The following PTK7 variants were observed in gnomAD, a reference collection of about 807,000 sequenced individuals.
PTK7 encodes protein tyrosine kinase 7 (inactive), also known as inactive tyrosine-protein kinase 7.
Under a neutral mutation model 116.6 loss-of-function variants are expected in PTK7, and 39 were observed. The observed-to-expected ratio is 0.33, with a 90% CI of 0.26 to 0.44. The LOEUF (loss-of-function observed/expected upper bound fraction) is 0.44, where lower values mean the gene tolerates loss of function less well. PTK7 is among the 20% of genes least tolerant of loss of function. The probability of loss-of-function intolerance (pLI) is 1.00; values close to 1 mark genes in which losing one functional copy is unlikely to be tolerated. For missense variants in PTK7, 1,169 were observed against 1,425.6 expected (o/e 0.82, Z 2.90); for synonymous variants, 546 against 563.6 (o/e 0.97, Z 0.44).
At chr6:43,077,118 G>C (rs1234360619) in intron 1 of PTK7, 16 of 1,056,608 alleles carry the variant, frequency 1.5e-5, no homozygotes, top group Non-Finnish European at 2.0e-5. Flanking sequence ...TGAGACCCCA[G>C]ATGGCCCTGC....
chr6:43,095,303 C>T (rs1422001487), intron 1 of PTK7, among the ~76,000 whole-genome samples: 1 of 151,506 alleles, frequency 6.6e-6, no homozygotes, highest in Non-Finnish European at 1.5e-5. Context: ...ACCTGGGAGG[C>T]GGAGGTTGCA....
intron 1 of PTK7, among the ~76,000 whole-genome samples, chr6:43,082,850 G>A (rs1164126028): frequency 1.3e-5 from 2 of 152,186 alleles, no homozygotes; most frequent in Non-Finnish European, 2.9e-5. Context: ...TATAACGAAA[G>A]CCAGTGGAGA....
chr6:43,116,750 T>G (rs1331842264), intron 1 of PTK7, among the ~76,000 whole-genome samples: 1 of 151,816 alleles, frequency 6.6e-6, no homozygotes, highest in Non-Finnish European at 1.5e-5. Context: ...GAGTAGGTGA[T>G]AGAGGCTAGG....
At chr6:43,116,288 G>A (rs1220523653) in intron 1 of PTK7, among the ~76,000 whole-genome samples, 1 of 152,142 alleles carries the variant, frequency 6.6e-6, no homozygotes. Flanking sequence ...CCGGCCAGCT[G>A]GCCAGCCGTG....
chr6:43,123,295 A>G (rs1469678315), intron 1 of PTK7, among the ~76,000 whole-genome samples: 3 of 152,212 alleles, frequency 2.0e-5, no homozygotes, highest in Non-Finnish European at 4.4e-5. Context: ...GTTGATTGAT[A>G]GAATCAAACA....
intron 7 of PTK7, among the ~76,000 whole-genome samples, chr6:43,136,262 G>A (rs1328997755): frequency 6.6e-6 from 1 of 152,056 alleles, no homozygotes; most frequent in Non-Finnish European, 1.5e-5. Flanking sequence ...TTGAACCTGG[G>A]AGGTGGAGGT....
chr6:43,118,647 C>A (rs866962638), intron 1 of PTK7, among the ~76,000 whole-genome samples: 2 of 87,758 alleles, frequency 2.3e-5, no homozygotes, highest in Admixed American at 1.2e-4. Flanking sequence ...CTCTCTCTCT[C>A]TCTCTCTCTC....
At position 43,138,867 on chromosome 6, in the gene PTK7, A is replaced by T; in HGVS notation, c.1247A>T (p.Lys416Met). The T allele has an allele frequency of 6.2e-7, 1 of 1,613,758 alleles. No homozygotes were observed. The highest frequency in any genetic ancestry group is 8.5e-7 in the Non-Finnish European group (1 of 1,179,822). The change falls in exon 8 of 20, where the codon AAG becomes ATG. Residue 416 changes from lysine (K) to methionine (M), a missense_variant. Physicochemically the swap from Lys to Met is moderately conservative, Grantham distance 95 (BLOSUM62 -1). Transcript: ENST00000230419. ...ITVATVPSWL[K>M]KPQDSQLEEG... The stretch of plus-strand genomic sequence containing the variant: ...TGTCTAGCTGTGCCCTCCTGGCTGA[A>T]GAAGCCCCAAGACAGCCAGCTGGAG...
At position 43,076,498 on chromosome 6, in the gene PTK7, G is replaced by A. The variant is rs772540040; in HGVS notation, c.10G>A (p.Ala4Thr). 4.5e-6 allele frequency: 7 copies of A among 1,570,578 alleles called. No homozygotes were observed. The South Asian group carries it at 6.9e-5, about 15-fold the overall frequency. Reference sequence around the variant, plus strand: ...TCCTGAGCCCGCCGCGATGGGAGCTGCGCGGGGATCCCCGGCCAGACCCCG... The same window carrying A: ...TCCTGAGCCCGCCGCGATGGGAGCTACGCGGGGATCCCCGGCCAGACCCCG... Reference protein sequence around the residue: MGAARGSPARPRRL... With the variant: MGATRGSPARPRRL... The change falls in exon 1 of 20, where the codon GCG (alanine) becomes ACG (threonine). Residue 4 changes from alanine (A) to threonine (T), a missense_variant. Coordinates refer to ENST00000230419, the MANE Select transcript of PTK7 (RefSeq NM_002821.5). The surrounding 1 kb of genome is among the most constrained non-coding windows in gnomAD (Gnocchi z 5.7).
chr6:43,113,261 C>T lies in PTK7; in HGVS notation c.80-15716C>T, dbSNP rs1423544584. On this transcript the variant is annotated intron_variant, in intron 1 of 19. Coordinates refer to ENST00000230419, the MANE Select transcript of PTK7 (RefSeq NM_002821.5). ...GAGCCTAGCCAAGATGGTGAAACCCCGTCTCTACTAAAAATACAAAAATTA... is the reference window on the plus strand; with the variant it reads ...GAGCCTAGCCAAGATGGTGAAACCCTGTCTCTACTAAAAATACAAAAATTA... Among the ~76,000 whole-genome samples, 5 of 152,060 alleles carry T rather than the reference C, an allele frequency of 3.3e-5. No homozygotes were observed. The East Asian group carries it at 5.8e-4, about 18-fold the overall frequency.
intron 1 of PTK7, among the ~76,000 whole-genome samples, chr6:43,111,710 T>G (rs931528545): frequency 9.2e-5 from 14 of 152,280 alleles, no homozygotes; most frequent in African/African-American, 3.4e-4. Flanking sequence ...TCACACAGGC[T>G]GGGATGCAGT....
chr6:43,085,225 C>T (rs543908219), intron 1 of PTK7, among the ~76,000 whole-genome samples: 1 of 152,320 alleles, frequency 6.6e-6, no homozygotes, highest in East Asian at 1.9e-4. Context: ...CCTGATGGTT[C>T]TTCCCAGAGA....
intron 1 of PTK7, among the ~76,000 whole-genome samples, chr6:43,106,172 A>G (rs1268902423): frequency 3.3e-5 from 5 of 150,946 alleles, no homozygotes; most frequent in Admixed American, 3.3e-4. Flanking sequence ...GTGGAGTTCT[A>G]ATGGCCTCTT....
In PTK7 at chr6:43,142,047, G is replaced by A; in HGVS notation, c.1885G>A (p.Asp629Asn). Residue 629 changes from aspartate (D) to asparagine (N), a missense_variant, in exon 12 of 20, where the codon GAC (aspartate) becomes AAC (asparagine). By Grantham distance (23) the Asp-to-Asn change is conservative (BLOSUM62 1). Around this residue, in one of 3 missense-constraint regions of PTK7, gnomAD observed 678 missense variants for 853.8 expected, o/e 0.79. Transcript: ENST00000230419. ...GCCGCTGATTCAGTGGAAAGGCAAGGACCGCATCCTGGACCCCACCAAGCT... is the reference window on the plus strand; with the variant it reads ...GCCGCTGATTCAGTGGAAAGGCAAGAACCGCATCCTGGACCCCACCAAGCT... ...PKPLIQWKGK[D>N]RILDPTKLGP... The A allele has an allele frequency of 1.2e-6, 2 of 1,613,814 alleles. No individual in the cohort carries two copies. Among genetic ancestry groups the A allele is most frequent in the Non-Finnish European group, 1.7e-6 (2 of 1,179,942 alleles).
At position 43,134,665 on chromosome 6, in the gene PTK7, A is replaced by T. The variant is rs367816521; in HGVS notation, c.1228+1978A>T. ...CATGTTGGCACTCACCTGTAATCCC[A>T]GCTACTTGGGAGGCTGGGGCAGGAG... is the stretch of plus-strand genomic sequence containing the variant. On this transcript the variant is annotated intron_variant, in intron 7 of 19. Transcript: ENST00000230419. Among the ~76,000 whole-genome samples, 12 of 152,114 alleles carry T rather than the reference A, an allele frequency of 7.9e-5. No homozygotes were observed. In the South Asian group the frequency reaches 2.3e-3, roughly 29 times the overall value.
chr6:43,131,496 T>C (rs1368265929), intron 5 of PTK7, among the ~76,000 whole-genome samples: 2 of 152,178 alleles, frequency 1.3e-5, no homozygotes, highest in Non-Finnish European at 2.9e-5. Flanking sequence ...CTCACAATCA[T>C]GGCAGAAGGC....
intron 1 of PTK7, among the ~76,000 whole-genome samples, chr6:43,078,252 A>G (rs184255192): frequency 9.9e-5 from 14 of 141,402 alleles, no homozygotes; most frequent in African/African-American, 3.8e-4. Context: ...GTTGGTGTTT[A>G]GTGTGTGTGC....
intron 1 of PTK7, among the ~76,000 whole-genome samples, chr6:43,094,467 ATTT>A (rs1297200835): frequency 7.1e-6 from 1 of 140,980 alleles, no homozygotes; most frequent in Non-Finnish European, 1.6e-5. Context: ...TCAAAAGCAA[ATTT>A]TTTTTTTTTT....
At chr6:43,107,282 A>C (rs950487553) in intron 1 of PTK7, among the ~76,000 whole-genome samples, 8 of 152,086 alleles carry the variant, frequency 5.3e-5, no homozygotes, top group Admixed American at 4.6e-4. Flanking sequence ...TGCCCTTTGC[A>C]CCCACCCATC....
Sources: gnomAD v4.1 joint callset for allele counts (sites outside exome capture counted in the v4.1 genomes callset) on GRCh38, gnomAD v4.1.1 for gene constraint, gnomAD v4.1.1 regional missense constraint, Gnocchi (gnomAD v3.1) non-coding constraint, MANE v1.5 for transcripts, NCBI Gene and HGNC (gene_info 2026-07-23, HGNC 2026-07-21) for gene names.